Variants in DYRK1A observed in about 807,000 individuals in gnomAD.
The protein encoded by DYRK1A is dual specificity tyrosine-phosphorylation-regulated kinase 1A.
Under a neutral mutation model 79.7 loss-of-function variants are expected in DYRK1A, and 9 were observed. The ratio of observed to expected loss-of-function variants is 0.11; its 90% CI spans 0.07 to 0.20. The LOEUF (loss-of-function observed/expected upper bound fraction) is 0.20. Among genes scored for constraint, DYRK1A ranks in the 10% least tolerant of loss-of-function variants. The pLI, the probability that DYRK1A is intolerant of heterozygous loss-of-function variation, is 1.00. For missense variants in DYRK1A, 622 were observed against 956.0 expected, an observed-to-expected ratio of 0.65 and a Z score of 4.61; for synonymous variants, 349 against 329.7, an observed-to-expected ratio of 1.06 and a Z score of -0.63.
intron 2 of DYRK1A, among the ~76,000 whole-genome samples, chr21:37,425,080 C>CT (rs1340792214): frequency 6.6e-6 from 1 of 152,080 alleles, no homozygotes; most frequent in Non-Finnish European, 1.5e-5. Flanking sequence ...AGTTTGGAGT[C>CT]TGTCTTTCTA....
chr21:37,518,005 A>G lies in DYRK1A; in HGVS notation c.*5474A>G, dbSNP rs985886510. The G allele has an allele frequency of 6.6e-6, 1 of 152,208 alleles. No individual in the cohort carries two copies. The highest frequency in any genetic ancestry group is 2.4e-5 in the African/African-American group (1 of 41,422). The allele number at this position is 152,208 out of a possible 1,614,324, so 9.4% of individuals were successfully genotyped here. ...AACAACTGGGCTAGGTGATCCTCCCATCTCAGCCTCCCAAGTAGCTGGGAC... is the reference window on the plus strand; with the variant it reads ...AACAACTGGGCTAGGTGATCCTCCCGTCTCAGCCTCCCAAGTAGCTGGGAC... On this transcript the variant is annotated 3_prime_UTR_variant, in exon 12 of 12. Coordinates refer to ENST00000647188, the MANE Select transcript of DYRK1A (RefSeq NM_001347721.2).
At chr21:37,387,578 C>T (rs561089916) in intron 1 of DYRK1A, among the ~76,000 whole-genome samples, 1 of 152,322 alleles carries the variant, frequency 6.6e-6, no homozygotes, top group South Asian at 2.1e-4. Flanking sequence ...AACTGCTCCT[C>T]TATGAAATTC....
At chr21:37,500,478 T>C (rs1419236724) in intron 9 of DYRK1A, among the ~76,000 whole-genome samples, 1 of 152,192 alleles carries the variant, frequency 6.6e-6, no homozygotes, top group Non-Finnish European at 1.5e-5. Flanking sequence ...TGTGCTGGAC[T>C]TGTGAAACTA....
chr21:37,521,763 G>A lies in DYRK1A; in HGVS notation c.*9232G>A, dbSNP rs1279081604. On this transcript the variant is annotated 3_prime_UTR_variant, in exon 12 of 12. Coordinates refer to ENST00000647188, the MANE Select transcript of DYRK1A (RefSeq NM_001347721.2). The stretch of plus-strand genomic sequence containing the variant: ...AAGGTGAGGAGGCTTGCCAGCATCA[G>A]TTTATAAGTGGACAGAGTCGAGAGC... The A allele has an allele frequency of 6.6e-6, 1 of 152,300 alleles. No homozygotes were observed. The highest frequency in any genetic ancestry group is 2.4e-5 in the African/African-American group (1 of 41,454). 9.4% of individuals were successfully genotyped at this position (152,300 alleles called of 1,614,324 possible). A position where few individuals can be genotyped will look rare whatever the true frequency, so the allele number is the denominator to read the frequency against.
At chr21:37,490,653 A>G (rs1005816128) in intron 7 of DYRK1A, among the ~76,000 whole-genome samples, 192 bp downstream of exon 7, 2 of 151,006 alleles carry the variant, frequency 1.3e-5, no homozygotes, top group Admixed American at 1.3e-4. Flanking sequence ...GGTGTATACC[A>G]TTTAGAGGCA....
intron 2 of DYRK1A, among the ~76,000 whole-genome samples, chr21:37,468,296 A>G (rs2052103190): frequency 6.7e-6 from 1 of 150,350 alleles, no homozygotes; most frequent in African/African-American, 2.5e-5. Flanking sequence ...TCTTACAGAG[A>G]TGAGGTGGTG....
intron 1 of DYRK1A, among the ~76,000 whole-genome samples, chr21:37,395,440 G>A (rs1174581347): frequency 6.6e-6 from 1 of 152,156 alleles, no homozygotes; most frequent in Non-Finnish European, 1.5e-5. Flanking sequence ...GTTCTTCGGA[G>A]GGGGATGGAA....
intron 8 of DYRK1A, among the ~76,000 whole-genome samples, chr21:37,495,154 G>T (rs1183144930): frequency 0.062 from 270 of 4,336 alleles, 1 homozygote; most frequent in African/African-American, 0.11. Flanking sequence ...CTGGGATTTT[G>T]TGTGTGTGTG....
chr21:37,405,595 T>C (rs568322032), intron 1 of DYRK1A, among the ~76,000 whole-genome samples: 13 of 152,182 alleles, frequency 8.5e-5, no homozygotes, highest in African/African-American at 2.9e-4. Flanking sequence ...AATCGTGAGC[T>C]TAGGAAGCGT....
intron 2 of DYRK1A, among the ~76,000 whole-genome samples, chr21:37,424,411 C>A (rs1472204190): frequency 6.6e-6 from 1 of 152,134 alleles, no homozygotes; most frequent in South Asian, 2.1e-4. Context: ...AAACATATCC[C>A]AAGTTTTAGT....
chr21:37,507,996 G>A (rs1478572558), intron 11 of DYRK1A, among the ~76,000 whole-genome samples: 7 of 152,100 alleles, frequency 4.6e-5, no homozygotes, highest in South Asian at 4.1e-4. Context: ...CCTTCCCAAC[G>A]CTTCTACTTT....
At chr21:37,475,554 T>A (rs1323953112) in intron 3 of DYRK1A, among the ~76,000 whole-genome samples, 1 of 152,240 alleles carries the variant, frequency 6.6e-6, no homozygotes, top group Non-Finnish European at 1.5e-5. Context: ...ATAGGGAGTA[T>A]TACTTGCTTT....
At chr21:37,467,135 C>T (rs1057311435) in intron 2 of DYRK1A, among the ~76,000 whole-genome samples, 1 of 150,000 alleles carries the variant, frequency 6.7e-6, no homozygotes, top group African/African-American at 2.5e-5. Flanking sequence ...AACAAAAAAA[C>T]GGAAACTATC....
intron 2 of DYRK1A, among the ~76,000 whole-genome samples, chr21:37,447,521 G>T (rs1016190690): frequency 2.0e-5 from 3 of 152,086 alleles, no homozygotes; most frequent in Admixed American, 2.0e-4. Context: ...TATTATATCT[G>T]TGGCTGCTTT....
intron 1 of DYRK1A, among the ~76,000 whole-genome samples, chr21:37,379,325 A>G (rs1034695341): frequency 6.6e-6 from 1 of 152,208 alleles, no homozygotes; most frequent in African/African-American, 2.4e-5. Context: ...GGAAAACCTT[A>G]AAAATATTCT....
chr21:37,410,959 G>GA (rs1298281766), intron 1 of DYRK1A, among the ~76,000 whole-genome samples: 2 of 147,990 alleles, frequency 1.4e-5, no homozygotes, highest in East Asian at 4.2e-4. Flanking sequence ...CGAGGCATGA[G>GA]AATTGCTTGA....
intron 2 of DYRK1A, among the ~76,000 whole-genome samples, chr21:37,447,298 C>G: frequency 6.6e-6 from 1 of 151,930 alleles, no homozygotes; most frequent in East Asian, 1.9e-4. Context: ...TGACACACCC[C>G]ATGTAACTTA....
intron 2 of DYRK1A, among the ~76,000 whole-genome samples, chr21:37,454,183 C>T (rs1315779398): frequency 6.7e-6 from 1 of 148,222 alleles, no homozygotes; most frequent in Non-Finnish European, 1.5e-5. Flanking sequence ...GCCTCGACCT[C>T]CTGGGCTCAA....
Position 37,480,838 on chromosome 21 carries a change from G to T in DYRK1A, c.489+12G>T. The stretch of plus-strand genomic sequence containing the variant: ...GTTCCTTTGGACAGGTAATTTAATG[G>T]AAAATGCTGAATTTCATTAGTTAGA... On this transcript the variant is annotated intron_variant, in intron 5 of 11. Coordinates refer to ENST00000647188, the MANE Select transcript of DYRK1A (RefSeq NM_001347721.2). 1 of 1,564,238 alleles carries T rather than the reference G, an allele frequency of 6.4e-7. No homozygotes were observed. Among genetic ancestry groups the T allele is most frequent in the South Asian group, 1.2e-5 (1 of 83,220 alleles).
Sources: gnomAD v4.1 joint callset for allele counts (sites outside exome capture counted in the v4.1 genomes callset) on GRCh38, gnomAD v4.1.1 for gene constraint, MANE v1.5 for transcripts, NCBI Gene and HGNC (gene_info 2026-07-23, HGNC 2026-07-21) for gene names.